VANGL1: variants seen among roughly 807,000 people sequenced by gnomAD.
VANGL1 encodes vang-like protein 1.
Under a neutral mutation model 48.4 loss-of-function variants are expected in VANGL1, and 18 were observed. The observed-to-expected ratio is 0.37, with a 90% CI of 0.26 to 0.55. The LOEUF (loss-of-function observed/expected upper bound fraction) is 0.55, where lower values mean the gene tolerates loss of function less well. Ranked by LOEUF, VANGL1 falls within the 20% of genes least tolerant of loss-of-function variation. The probability of loss-of-function intolerance (pLI) is 0.81; values close to 1 mark genes in which losing one functional copy is unlikely to be tolerated. For missense variants in VANGL1, 667 were observed against 675.8 expected (o/e 0.99, Z 0.14); for synonymous variants, 257 against 261.8 (o/e 0.98, Z 0.18).
chr1:115,662,040 CGG>C (rs1341816491), intron 3 of VANGL1, among the ~76,000 whole-genome samples: 4 of 152,238 alleles, frequency 2.6e-5, no homozygotes, highest in Non-Finnish European at 5.9e-5. Flanking sequence ...CACTGTACCA[CGG>C]TCCACTTCCA....
chr1:115,646,337 G>A (rs956387357), intron 1 of VANGL1, among the ~76,000 whole-genome samples: 7 of 152,020 alleles, frequency 4.6e-5, no homozygotes, highest in African/African-American at 1.7e-4. Flanking sequence ...CCCTACCCAA[G>A]CAGTGCCAAG....
chr1:115,646,756 G>A (rs6428664), intron 1 of VANGL1, among the ~76,000 whole-genome samples: 61,404 of 151,918 alleles, frequency 0.4, 16,710 homozygotes, highest in African/African-American at 0.78. Flanking sequence ...TACAGCCTGT[G>A]AAGAAACTAG....
chr1:115,663,169 T>C (rs1652632801), intron 3 of VANGL1, among the ~76,000 whole-genome samples: 1 of 152,210 alleles, frequency 6.6e-6, no homozygotes, highest in African/African-American at 2.4e-5. Context: ...CTACGCCCTT[T>C]GCTCTTCTGG....
chr1:115,690,714 G>A (rs554555913), intron 7 of VANGL1, among the ~76,000 whole-genome samples: 24 of 152,310 alleles, frequency 1.6e-4, no homozygotes, highest in South Asian at 8.3e-4. Flanking sequence ...CTTTGGGCCC[G>A]ACACAGCCCT....
intron 1 of VANGL1, among the ~76,000 whole-genome samples, chr1:115,643,602 T>C (rs1651814509): frequency 6.6e-6 from 1 of 152,224 alleles, no homozygotes; most frequent in African/African-American, 2.4e-5. Flanking sequence ...TTAACAATGT[T>C]GGCAGTGAGG....
chr1:115,659,797 A>C (rs1334409835), intron 3 of VANGL1, 24 bp downstream of exon 3: 1 of 1,614,122 alleles, frequency 6.2e-7, no homozygotes, highest in South Asian at 1.1e-5. Flanking sequence ...GTGGTCTGTA[A>C]GCACACTGCC....
At chr1:115,680,024 T>A (rs879840972) in intron 4 of VANGL1, among the ~76,000 whole-genome samples, 680 of 24,696 alleles carry the variant, frequency 0.028, 3 homozygotes, top group South Asian at 0.034. Flanking sequence ...TGTGTGTGTA[T>A]GTGAGAGAGA....
At chr1:115,651,625 AAC>A in intron 2 of VANGL1, 141 bp downstream of exon 2, 1 of 731,156 alleles carries the variant, frequency 1.4e-6, no homozygotes, top group South Asian at 1.5e-5. Flanking sequence ...AAGAGCATTT[AAC>A]ATTCTTGGGA....
chr1:115,682,008 G>A (rs1444824559), intron 4 of VANGL1, among the ~76,000 whole-genome samples: 2 of 152,186 alleles, frequency 1.3e-5, no homozygotes, highest in Non-Finnish European at 2.9e-5. Flanking sequence ...TGCCCTTTTG[G>A]GGGCATCCTC....
rs1653910328 is a variant in VANGL1, at chr1:115,693,195, G to A, written c.*1816G>A. On this transcript the variant is annotated 3_prime_UTR_variant, in exon 8 of 8. Transcript: ENST00000355485. Reference sequence around the variant, plus strand: ...AAAAAACACATACCATGGAACCATGGTGCTTTTGTTCTTAGTTTTTGCCGT... The same window carrying A: ...AAAAAACACATACCATGGAACCATGATGCTTTTGTTCTTAGTTTTTGCCGT... 6.6e-6 allele frequency: 1 copy of A among 152,592 alleles called. No individual in the cohort carries two copies. Among genetic ancestry groups the A allele is most frequent in the Non-Finnish European group, 1.5e-5 (1 of 68,032 alleles). The allele number at this position is 152,592 out of a possible 1,614,324, so 9.5% of individuals were successfully genotyped here. A position where few individuals can be genotyped will look rare whatever the true frequency, so the allele number is the denominator to read the frequency against.
At chr1:115,658,587 C>G (rs1652430950) in intron 2 of VANGL1, among the ~76,000 whole-genome samples, 1 of 152,198 alleles carries the variant, frequency 6.6e-6, no homozygotes, top group Admixed American at 6.5e-5. Context: ...AAATCTGCTT[C>G]TGTCCTGCCT....
chr1:115,650,132 C>T (rs1238739493), intron 1 of VANGL1, among the ~76,000 whole-genome samples: 1 of 152,208 alleles, frequency 6.6e-6, no homozygotes, highest in African/African-American at 2.4e-5. Flanking sequence ...TGATTCCCTC[C>T]AGACTTATGT....
chr1:115,684,075 A>G lies in VANGL1; in HGVS notation c.1078A>G (p.Arg360Gly). Residue 360 changes from arginine (R) to glycine (G), a missense_variant and splice_region_variant, in exon 6 of 8, where the codon AGG (arginine) becomes GGG (glycine). By Grantham distance (125) the Arg-to-Gly change is moderately radical. Coordinates refer to ENST00000355485, the MANE Select transcript of VANGL1 (RefSeq NM_138959.3). ...ACGGCGAGTAAAGAAGCGGAAAGCAAGGTATACTGCCCTCCTGATGCCAGT... is the reference window on the plus strand; with the variant it reads ...ACGGCGAGTAAAGAAGCGGAAAGCAGGGTATACTGCCCTCCTGATGCCAGT... ...HERRVKKRKA[R>G]LVVAVEEAFI... 6.2e-7 allele frequency: 1 copy of G among 1,613,406 alleles called. No individual in the cohort carries two copies. Among genetic ancestry groups the G allele is most frequent in the Non-Finnish European group, 8.5e-7 (1 of 1,179,568 alleles).
At chr1:115,675,275 A>G (rs929977469) in intron 4 of VANGL1, among the ~76,000 whole-genome samples, 2 of 152,078 alleles carry the variant, frequency 1.3e-5, no homozygotes, top group African/African-American at 4.8e-5. Flanking sequence ...GCTGAAATGG[A>G]TGGATCCCTT....
At chr1:115,673,594 CTTTTTTTTTTTTTTT>C (rs960453479) in intron 4 of VANGL1, among the ~76,000 whole-genome samples, 1 of 108,586 alleles carries the variant, frequency 9.2e-6, no homozygotes, top group East Asian at 2.5e-4. Context: ...TGTATGTCCT[CTTTTTTTTTTTTTTT>C]TTTTTTTTGA....
chr1:115,669,080 A>G (rs1479202890), intron 4 of VANGL1, among the ~76,000 whole-genome samples: 2 of 152,340 alleles, frequency 1.3e-5, no homozygotes, highest in East Asian at 3.9e-4. Flanking sequence ...AAATTTAATT[A>G]TTGATTTCTA....
intron 4 of VANGL1, among the ~76,000 whole-genome samples, chr1:115,674,071 A>C (rs1318312608): frequency 6.6e-6 from 1 of 152,184 alleles, no homozygotes; most frequent in Non-Finnish European, 1.5e-5. Context: ...CTGTGACTGA[A>C]CACTGACCCT....
chr1:115,677,397 G>T (rs990536469), intron 4 of VANGL1, among the ~76,000 whole-genome samples: 1 of 152,178 alleles, frequency 6.6e-6, no homozygotes, highest in Non-Finnish European at 1.5e-5. Flanking sequence ...AAAGAAAATA[G>T]GCCAGTAGGC....
intron 4 of VANGL1, among the ~76,000 whole-genome samples, chr1:115,679,189 C>T (rs1466013604): frequency 6.6e-6 from 1 of 152,246 alleles, no homozygotes; most frequent in Non-Finnish European, 1.5e-5. Flanking sequence ...GCATTGGCTT[C>T]TCAGCCTGTG....
Sources: gnomAD v4.1 joint callset for allele counts (sites outside exome capture counted in the v4.1 genomes callset) on GRCh38, gnomAD v4.1.1 for gene constraint, MANE v1.5 for transcripts, NCBI Gene and HGNC (gene_info 2026-07-23, HGNC 2026-07-21) for gene names.